Variants in FXYD4 observed in about 807,000 individuals in gnomAD.
The protein encoded by FXYD4 is FXYD domain containing ion transport regulator 4, also known as FXYD domain-containing ion transport regulator 4.
Under a neutral mutation model 18.3 loss-of-function variants are expected in FXYD4, and 14 were observed. That is an observed-to-expected ratio of 0.77 (90% confidence interval 0.51 to 1.20). FXYD4 has a LOEUF of 1.20. FXYD4 is among the 50% of genes most tolerant of loss of function. The pLI, the probability that FXYD4 is intolerant of heterozygous loss-of-function variation, is 0.00. For missense variants in FXYD4, 99 were observed against 106.1 expected, an observed-to-expected ratio of 0.93 and a Z score of 0.29; for synonymous variants, 40 against 40.5, an observed-to-expected ratio of 0.99 and a Z score of 0.04.
At position 43,372,792 on chromosome 10, in the gene FXYD4, C is replaced by T. The variant is rs1837823439; in HGVS notation, c.-233+20C>T. ...CAGTTGGTAAGTTGCTAAGAAGGGA[C>T]CCAGCCCAGACAGCTGGCCCTGGAT... On this transcript the variant is annotated intron_variant, in intron 2 of 8. Coordinates refer to ENST00000476166, the MANE Select transcript of FXYD4 (RefSeq NM_173160.3). 6.6e-6 allele frequency: 1 copy of T among 152,166 alleles called. No homozygotes were observed. The highest frequency in any genetic ancestry group is 1.5e-5 in the Non-Finnish European group (1 of 68,062). 9.4% of individuals were successfully genotyped at this position (152,166 alleles called of 1,614,324 possible).
At chr10:43,375,475 G>T in intron 5 of FXYD4, 24 bp from the exon 6 acceptor site, 3 of 1,597,848 alleles carry the variant, frequency 1.9e-6, no homozygotes, top group Non-Finnish European at 1.7e-6. Flanking sequence ...GCTGGTGCAA[G>T]CTCACTCTCT....
In FXYD4 at chr10:43,373,464, A is replaced by G. The variant is rs770455938; in HGVS notation, c.-232-51A>G. 252 of 524,674 alleles carry G rather than the reference A, an allele frequency of 4.8e-4. 2 individuals carry two copies. The highest frequency in any genetic ancestry group is 6.8e-4 in the Non-Finnish European group (199 of 291,482). 32.5% of individuals were successfully genotyped at this position (524,674 alleles called of 1,614,324 possible). ...TCTACAGCACTTACTCTGTGCAGGC[A>G]CAGTTTTGAGCTCTTAGCTTGTGCT... On this transcript the variant is annotated intron_variant, in intron 2 of 8. Coordinates refer to ENST00000476166, the MANE Select transcript of FXYD4 (RefSeq NM_173160.3).
intron 2 of FXYD4, 173 bp from the exon 3 acceptor site, chr10:43,373,342 A>ATT: frequency 5.7e-5 from 10 of 176,024 alleles, no homozygotes; most frequent in East Asian, 4.2e-4. Flanking sequence ...TCTAAGCTCC[A>ATT]TTTTTTTTTT....
rs2131946826 is a variant in FXYD4, at chr10:43,371,682, C to T, written c.-294C>T. On this transcript the variant is annotated 5_prime_UTR_variant, in exon 1 of 9. Coordinates refer to ENST00000476166, the MANE Select transcript of FXYD4 (RefSeq NM_173160.3). ...GCTGCCAGCTCAGGTGAGCCCTCGCCAAGGTGACCTCGCAGGTGAGCAGGC... is the reference window on the plus strand; with the variant it reads ...GCTGCCAGCTCAGGTGAGCCCTCGCTAAGGTGACCTCGCAGGTGAGCAGGC... 1 of 152,226 alleles carries T rather than the reference C, an allele frequency of 6.6e-6. No individual in the cohort carries two copies. Among genetic ancestry groups the T allele is most frequent in the Admixed American group, 6.5e-5 (1 of 15,276 alleles). The allele number at this position is 152,226 out of a possible 1,614,324, so 9.4% of individuals were successfully genotyped here.
At position 43,372,722 on chromosome 10, in the gene FXYD4, T is replaced by C. The variant is rs1011836877; in HGVS notation, c.-278-5T>C. On this transcript the variant is annotated splice_polypyrimidine_tract_variant and splice_region_variant and intron_variant, in intron 1 of 8. Coordinates refer to ENST00000476166, the MANE Select transcript of FXYD4 (RefSeq NM_173160.3). ...GCTACTATTCTGATGATCCTCCTTTTACAGGACACTGGTGAAGGAGCAGTG... is the reference window on the plus strand; with the variant it reads ...GCTACTATTCTGATGATCCTCCTTTCACAGGACACTGGTGAAGGAGCAGTG... The C allele has an allele frequency of 1.3e-5, 2 of 152,218 alleles. No homozygotes were observed. The highest frequency in any genetic ancestry group is 4.8e-5 in the African/African-American group (2 of 41,450). The allele number at this position is 152,218 out of a possible 1,614,324, so 9.4% of individuals were successfully genotyped here.
Position 43,375,279 on chromosome 10 carries a change from G to A in FXYD4, c.98-220G>A, listed in dbSNP as rs564551362. On this transcript the variant is annotated intron_variant, in intron 5 of 8. Transcript: ENST00000476166. ...TGACCTCAGGTGATCTGCCCGCCTC[G>A]GCCTCCCAAAGTGATGGGATTACAG... 5.1e-4 allele frequency among the ~76,000 whole-genome samples: 78 copies of A among 152,014 alleles called. No individual in the cohort carries two copies. The East Asian group carries it at 0.014, about 26-fold the overall frequency.
At chr10:43,372,077 T>A (rs938729789) in intron 1 of FXYD4, among the ~76,000 whole-genome samples, 14 of 150,494 alleles carry the variant, frequency 9.3e-5, no homozygotes, top group African/African-American at 3.2e-4. Context: ...ATAATAATAA[T>A]AAAATAAAAA....
At chr10:43,372,287 T>C (rs1463838126) in intron 1 of FXYD4, among the ~76,000 whole-genome samples, 1 of 151,908 alleles carries the variant, frequency 6.6e-6, no homozygotes, top group African/African-American at 2.4e-5. Context: ...TATGGATGTA[T>C]TTATTTATTT....
intron 3 of FXYD4, 124 bp from the exon 4 acceptor site, chr10:43,374,346 G>C: frequency 1.1e-6 from 1 of 885,862 alleles, no homozygotes; most frequent in Non-Finnish European, 1.9e-6. Flanking sequence ...TGGGGAGGGC[G>C]TGAGGAAGGG....
intron 5 of FXYD4, among the ~76,000 whole-genome samples, chr10:43,375,265 G>T (rs1454337499): frequency 6.6e-6 from 1 of 152,042 alleles, no homozygotes; most frequent in South Asian, 2.1e-4. Flanking sequence ...GACCTCAGGT[G>T]ATCTGCCCGC....
chr10:43,374,274 A>G (rs528123700), intron 3 of FXYD4, among the ~76,000 whole-genome samples, 196 bp from the exon 4 acceptor site: 1 of 152,288 alleles, frequency 6.6e-6, no homozygotes, highest in Admixed American at 6.5e-5. Context: ...TGCACACAGG[A>G]GCATCAGGAA....
chr10:43,375,425 G>A (rs1837857768), intron 5 of FXYD4, 74 bp from the exon 6 acceptor site: 2 of 1,135,652 alleles, frequency 1.8e-6, no homozygotes, highest in South Asian at 2.5e-5. Flanking sequence ...CACAAGCAGG[G>A]GCTCAGGAGT....
At chr10:43,375,664 A>C (rs748730605) in intron 6 of FXYD4, 31 bp from the exon 7 acceptor site, 25 of 1,613,464 alleles carry the variant, frequency 1.5e-5, no homozygotes, top group Non-Finnish European at 2.1e-5. Context: ...TCCAGCACTG[A>C]CCCTGGCGCT....
At chr10:43,375,399 A>G (rs1030027531) in intron 5 of FXYD4, 100 bp from the exon 6 acceptor site, 3 of 856,364 alleles carry the variant, frequency 3.5e-6, no homozygotes, top group East Asian at 2.4e-5. Context: ...GTCTTTATGT[A>G]TATGGCAGCG....
At chr10:43,372,677 C>T (rs963493262) in intron 1 of FXYD4, 50 bp from the exon 2 acceptor site, 10 of 152,198 alleles carry the variant, frequency 6.6e-5, no homozygotes, top group South Asian at 6.2e-4. Context: ...GTAATTCCAT[C>T]GCTATAACCT....
chr10:43,371,878 C>A (rs1837811432), intron 1 of FXYD4, among the ~76,000 whole-genome samples, 181 bp downstream of exon 1: 1 of 151,858 alleles, frequency 6.6e-6, no homozygotes, highest in African/African-American at 2.4e-5. Context: ...GAAACAGAAG[C>A]CAGCCCTTGG....
rs182847944 is a variant in FXYD4 at position 43,376,114 on chromosome 10, T to C, written c.251-33T>C. On this transcript the variant is annotated intron_variant, in intron 8 of 8. Transcript: ENST00000476166. ...GCTGAGGGGGTGTCTGTGTAAGGACTGTGTCTGATGGCCTGCCCGCCACTC... is the reference window on the plus strand; with the variant it reads ...GCTGAGGGGGTGTCTGTGTAAGGACCGTGTCTGATGGCCTGCCCGCCACTC... 582 of 1,614,002 alleles carry C rather than the reference T, an allele frequency of 3.6e-4. 2 individuals are homozygous for C. The African/African-American group carries it at 7.0e-3, about 19-fold the overall frequency.
chr10:43,373,468 T>C, intron 2 of FXYD4, 47 bp from the exon 3 acceptor site: 1 of 533,790 alleles, frequency 1.9e-6, no homozygotes, highest in Non-Finnish European at 3.4e-6. Flanking sequence ...GCAGGCACAG[T>C]TTTGAGCTCT....
Position 43,373,684 on chromosome 10 carries a change from C to A in FXYD4, c.-63C>A. 1 of 939,090 alleles carries A rather than the reference C, an allele frequency of 1.1e-6. No individual in the cohort carries two copies. Among genetic ancestry groups the A allele is most frequent in the Middle Eastern group, 2.1e-4 (1 of 4,778 alleles). 58.2% of individuals were successfully genotyped at this position (939,090 alleles called of 1,614,324 possible). A position where few individuals can be genotyped will look rare whatever the true frequency, so the allele number is the denominator to read the frequency against. On this transcript the variant is annotated 5_prime_UTR_variant, in exon 3 of 9. Transcript: ENST00000476166. ...TTGAGCTGTGAGCCTGGAGCAGATCCGTGGGCTGCAGACCCCCGCCCCAGT... is the reference window on the plus strand; with the variant it reads ...TTGAGCTGTGAGCCTGGAGCAGATCAGTGGGCTGCAGACCCCCGCCCCAGT...
Sources: allele counts gnomAD v4.1 joint callset (sites outside exome capture counted in the v4.1 genomes callset), GRCh38; gene constraint gnomAD v4.1.1; transcripts MANE v1.5; gene names NCBI Gene and HGNC (gene_info 2026-07-23, HGNC 2026-07-21).